The following ATP10B variants were observed in gnomAD, a reference collection of about 807,000 sequenced individuals.
ATP10B encodes the protein ATPase phospholipid transporting 10B (putative), also known as phospholipid-transporting ATPase VB.
A neutral mutation model predicts 141.2 loss-of-function variants in ATP10B; 122 were observed. The observed-to-expected ratio is 0.86, with a 90% CI of 0.75 to 1.00. The LOEUF is 1.00. Among genes scored for constraint, ATP10B ranks in the 50% least tolerant of loss-of-function variants. The pLI, the probability that ATP10B is intolerant of heterozygous loss-of-function variation, is 0.00. For synonymous variants in ATP10B, 685 were observed against 692.0 expected (o/e 0.99, Z 0.16); for missense variants, 1,876 against 1,825.3 (o/e 1.03, Z -0.51).
chr5:160,772,192 T>G (rs911226476), intron 2 of ATP10B, among the ~76,000 whole-genome samples: 1 of 152,246 alleles, frequency 6.6e-6, no homozygotes, highest in South Asian at 2.1e-4. Flanking sequence ...TTGAGGAACC[T>G]CCATACAGTT....
chr5:160,636,001 G>A (rs1029315496), intron 11 of ATP10B, among the ~76,000 whole-genome samples, 181 bp downstream of exon 11: 1 of 152,180 alleles, frequency 6.6e-6, no homozygotes, highest in Non-Finnish European at 1.5e-5. Context: ...GCAGGGCTGG[G>A]TCCTTAAATC....
chr5:160,815,280 G>C (rs1371756404), intron 1 of ATP10B, among the ~76,000 whole-genome samples: 2 of 152,016 alleles, frequency 1.3e-5, no homozygotes, highest in Non-Finnish European at 2.9e-5. Context: ...CAAAATAAAG[G>C]GATGGAGAAA....
chr5:160,574,859 G>A (rs1176491786), intron 24 of ATP10B, among the ~76,000 whole-genome samples: 1 of 150,584 alleles, frequency 6.6e-6, no homozygotes, highest in African/African-American at 2.5e-5. Flanking sequence ...ATTTGAAGCA[G>A]GGAGCAGTGC....
At chr5:160,847,286 GAC>G (rs1409527526) in intron 1 of ATP10B, among the ~76,000 whole-genome samples, 4 of 152,166 alleles carry the variant, frequency 2.6e-5, no homozygotes, top group Admixed American at 6.6e-5. Flanking sequence ...TTATGTAAAA[GAC>G]AATGCAAGCT....
At chr5:160,913,326 A>C in the ATP10B span, among the ~76,000 whole-genome samples, 4 of 152,286 alleles carry the variant, frequency 2.6e-5, no homozygotes, top group Admixed American at 6.5e-5. Flanking sequence ...TGATGGAGAA[A>C]CTAGGATGCT....
intron 1 of ATP10B, among the ~76,000 whole-genome samples, chr5:160,848,811 C>G (rs554487120): frequency 3.6e-4 from 55 of 152,280 alleles, no homozygotes; most frequent in Middle Eastern, 3.4e-3. Context: ...ACTATGTGAT[C>G]TAGCTATTTG....
chr5:160,650,944 T>C (rs1228379617), intron 7 of ATP10B, among the ~76,000 whole-genome samples: 1 of 152,158 alleles, frequency 6.6e-6, no homozygotes. Context: ...TGACCATATT[T>C]CCTTTAATCG....
intron 16 of ATP10B, among the ~76,000 whole-genome samples, chr5:160,616,272 T>C (rs954598515): frequency 1.3e-5 from 2 of 152,146 alleles, no homozygotes; most frequent in Admixed American, 6.5e-5. Context: ...TAATTTAAAA[T>C]AGTTATTTCA....
chr5:160,873,080 G>C, the ATP10B span, among the ~76,000 whole-genome samples: 1 of 144,000 alleles, frequency 6.9e-6, no homozygotes, highest in Non-Finnish European at 1.5e-5. Context: ...TCTTGTAGCG[G>C]TCTTTTGTCT....
Position 160,632,122 on chromosome 5 carries a change from G to T in ATP10B, c.1620+7C>A. 6.2e-7 allele frequency: 1 copy of T among 1,608,016 alleles called. No homozygotes were observed. The highest frequency in any genetic ancestry group is 1.1e-5 in the South Asian group (1 of 90,820). ...CTTACAGTTCAAAGGCAAAAGTCAG[G>T]ACTTACTATGGAGCTGCTGAAGGCC... On this transcript the variant is annotated splice_region_variant and intron_variant, in intron 13 of 25. Coordinates refer to ENST00000327245, the MANE Select transcript of ATP10B (RefSeq NM_025153.3).
chr5:160,589,776 C>T, intron 23 of ATP10B, 80 bp from the exon 24 acceptor site: 2 of 1,026,912 alleles, frequency 1.9e-6, no homozygotes, highest in South Asian at 1.3e-5. Context: ...TATAAAGCAT[C>T]AATGAAGGCA....
chr5:160,629,871 A>T (rs1041771353), intron 13 of ATP10B, among the ~76,000 whole-genome samples: 1 of 152,220 alleles, frequency 6.6e-6, no homozygotes, highest in African/African-American at 2.4e-5. Context: ...GTTAGCCTGC[A>T]GGTCAGCAAA....
chr5:160,686,464 C>T (rs1561753118), intron 5 of ATP10B, among the ~76,000 whole-genome samples, 191 bp from the exon 6 acceptor site: 2 of 152,106 alleles, frequency 1.3e-5, no homozygotes, highest in Admixed American at 6.5e-5. Flanking sequence ...TATTGGGGAA[C>T]AGGTGGTGTT....
At chr5:160,779,167 T>C (rs779968670) in intron 2 of ATP10B, among the ~76,000 whole-genome samples, 11 of 152,184 alleles carry the variant, frequency 7.2e-5, no homozygotes, top group Non-Finnish European at 1.5e-4. Context: ...ACACCAGTAG[T>C]GAAAGCCAAG....
At chr5:160,870,743 A>G in the ATP10B span, among the ~76,000 whole-genome samples, 1 of 151,992 alleles carries the variant, frequency 6.6e-6, no homozygotes, top group Non-Finnish European at 1.5e-5. Flanking sequence ...AAATGCCAAA[A>G]AAAAACACAA....
the ATP10B span, among the ~76,000 whole-genome samples, chr5:160,897,495 C>T: frequency 6.6e-6 from 1 of 152,126 alleles, no homozygotes. Flanking sequence ...ATGTGAAGGA[C>T]ATCTTCAAGG....
At chr5:160,782,496 G>A (rs1215662225) in intron 2 of ATP10B, among the ~76,000 whole-genome samples, 1 of 145,534 alleles carries the variant, frequency 6.9e-6, no homozygotes, top group Middle Eastern at 3.5e-3. Flanking sequence ...CACTTTAGGA[G>A]CCCAGCCTCA....
At chr5:160,623,023 C>T (rs755836167) in intron 13 of ATP10B, among the ~76,000 whole-genome samples, 24 of 152,154 alleles carry the variant, frequency 1.6e-4, no homozygotes, top group African/African-American at 5.6e-4. Flanking sequence ...CCATTGTTAG[C>T]GTGATCAATT....
At chr5:160,871,742 A>T in the ATP10B span, among the ~76,000 whole-genome samples, 1 of 152,180 alleles carries the variant, frequency 6.6e-6, no homozygotes, top group Non-Finnish European at 1.5e-5. Context: ...ATGTATATAC[A>T]TCACAGTGTC....
Sources: allele counts gnomAD v4.1 joint callset (sites outside exome capture counted in the v4.1 genomes callset), GRCh38; gene constraint gnomAD v4.1.1; transcripts MANE v1.5; gene names NCBI Gene and HGNC (gene_info 2026-07-23, HGNC 2026-07-21).